Variants in ELK3 observed in about 807,000 individuals in gnomAD.
ELK3 encodes the protein ETS domain-containing protein Elk-3.
ELK3 carries 10 observed loss-of-function variants against 28.9 expected under a neutral mutation model. That is an observed-to-expected ratio of 0.35 (90% CI 0.21 to 0.59). The LOEUF (loss-of-function observed/expected upper bound fraction) is 0.59, where lower values mean the gene tolerates loss of function less well. ELK3 is among the 20% of genes least tolerant of loss of function. ELK3 has a pLI of 0.82. For synonymous variants in ELK3, 272 were observed against 243.5 expected (o/e 1.12, Z -1.09); for missense variants, 463 against 517.3 (o/e 0.90, Z 1.02).
At position 96,269,408 on chromosome 12, in the gene ELK3, T is replaced by A. The variant is rs886889855; in HGVS notation, c.*2228T>A. 1.3e-5 allele frequency: 2 copies of A among 151,966 alleles called. No individual in the cohort carries two copies. Among genetic ancestry groups the A allele is most frequent in the Admixed American group, 1.3e-4 (2 of 15,278 alleles). 9.4% of individuals were successfully genotyped at this position (151,966 alleles called of 1,614,324 possible). A position where few individuals can be genotyped will look rare whatever the true frequency, so the allele number is the denominator to read the frequency against. On this transcript the variant is annotated 3_prime_UTR_variant, in exon 5 of 5. Transcript: ENST00000228741. The stretch of plus-strand genomic sequence containing the variant: ...ATTTAAATGACTATAGATCTGATTC[T>A]TTCTTTTCCTTTGGAAACTGGGATT...
intron 1 of ELK3, among the ~76,000 whole-genome samples, chr12:96,203,739 G>A (rs1400808183): frequency 6.6e-6 from 1 of 152,156 alleles, no homozygotes; most frequent in African/African-American, 2.4e-5. Context: ...TTAGAAGTTC[G>A]ATACCAGCCT....
At chr12:96,256,656 T>C (rs185508178) in intron 3 of ELK3, among the ~76,000 whole-genome samples, 7 of 152,178 alleles carry the variant, frequency 4.6e-5, no homozygotes, top group African/African-American at 1.7e-4. Context: ...ATAAGAAAAA[T>C]GTGCCAATCA....
At chr12:96,218,933 C>G (rs1200852397) in intron 1 of ELK3, among the ~76,000 whole-genome samples, 1 of 152,150 alleles carries the variant, frequency 6.6e-6, no homozygotes, top group Non-Finnish European at 1.5e-5. Context: ...CAGGCGTGAG[C>G]CACCGCGCCC....
intron 1 of ELK3, among the ~76,000 whole-genome samples, chr12:96,211,109 A>G (rs1417055378): frequency 6.6e-6 from 1 of 152,210 alleles, no homozygotes. Context: ...AACTGAGAGT[A>G]TTAAATTTAG....
In ELK3 at chr12:96,247,361, C is replaced by T. The variant is rs769939759; in HGVS notation, c.629C>T (p.Ala210Val). The T allele has an allele frequency of 2.5e-5, 41 of 1,614,070 alleles. 1 individual carries two copies. Among genetic ancestry groups the T allele is most frequent in the South Asian group, 3.3e-5 (3 of 91,090 alleles). ...CCTTCCACGTCAGAGGCTGCGGCGG[C>T]GTCCGCCTTCCTGGCCTCGTCCGTC... ...SLPSTSEAAAASAFLASSVSA... is the reference protein window; with the variant it reads ...SLPSTSEAAAVSAFLASSVSA... Residue 210 changes from alanine (A) to valine (V), a missense_variant, in exon 3 of 5, where the codon GCG becomes GTG. Physicochemically the swap from Ala to Val is moderately conservative, Grantham distance 64. Transcript: ENST00000228741. The surrounding 1 kb of genome is among the most constrained non-coding windows in gnomAD (Gnocchi z 5.5).
rs200974748 is a variant in ELK3 at position 96,247,369 on chromosome 12, T to C, written c.637T>C (p.Phe213Leu). The change falls in exon 3 of 5, where the codon TTC becomes CTC. Residue 213 changes from phenylalanine to leucine, a missense_variant. This residue lies in a region of ELK3 where 408 missense variants were observed against 414.8 expected (regional missense o/e 0.98). Coordinates refer to ENST00000228741, the MANE Select transcript of ELK3 (RefSeq NM_005230.4). This position sits in a 1 kb window ranked among gnomAD's most constrained non-coding sequence, Gnocchi z 5.5. ...GTCAGAGGCTGCGGCGGCGTCCGCC[T>C]TCCTGGCCTCGTCCGTCTCGGCCAA... ...STSEAAAASAFLASSVSAKIS... is the reference protein window; with the variant it reads ...STSEAAAASALLASSVSAKIS... The C allele has an allele frequency of 1.2e-4, 189 of 1,614,090 alleles. 1 individual carries two copies. The highest frequency in any genetic ancestry group is 1.9e-5 in the Non-Finnish European group (22 of 1,180,052).
intron 2 of ELK3, among the ~76,000 whole-genome samples, chr12:96,239,842 G>A (rs1169939423): frequency 6.6e-6 from 1 of 152,232 alleles, no homozygotes; most frequent in South Asian, 2.1e-4. Context: ...CTGAGAAGCC[G>A]CCGGGAGCAG....
At chr12:96,264,350 G>A (rs1398837883) in intron 4 of ELK3, among the ~76,000 whole-genome samples, 2 of 152,164 alleles carry the variant, frequency 1.3e-5, no homozygotes, top group Non-Finnish European at 2.9e-5. Context: ...AGTGGACACA[G>A]GATATAATTA....
intron 1 of ELK3, among the ~76,000 whole-genome samples, chr12:96,205,135 T>G (rs1288637977): frequency 6.6e-6 from 1 of 152,240 alleles, no homozygotes; most frequent in Non-Finnish European, 1.5e-5. Context: ...AGTGAATGTT[T>G]ACTAACCGTC....
At position 96,195,284 on chromosome 12, in the gene ELK3, G is replaced by T. The variant is rs866181540; in HGVS notation, c.-3+579G>T. Among the ~76,000 whole-genome samples the T allele has an allele frequency of 9.8e-5, 15 of 152,334 alleles. No homozygotes were observed. In the South Asian group the frequency reaches 1.2e-3, roughly 13 times the overall value. On this transcript the variant is annotated intron_variant, in intron 1 of 4. Coordinates refer to ENST00000228741, the MANE Select transcript of ELK3 (RefSeq NM_005230.4). ...ATGGGTCGCGAAGGTGTGGGGCTGG[G>T]GGCTGCGTCCACTCTCGCTTGGCAG...
At chr12:96,201,828 T>C (rs1440936848) in intron 1 of ELK3, among the ~76,000 whole-genome samples, 1 of 152,166 alleles carries the variant, frequency 6.6e-6, no homozygotes, top group Non-Finnish European at 1.5e-5. Flanking sequence ...CCCCTTGAAT[T>C]CCATTTTGGC....
intron 1 of ELK3, among the ~76,000 whole-genome samples, chr12:96,205,132 G>A (rs900595542): frequency 6.6e-6 from 1 of 152,224 alleles, no homozygotes; most frequent in Non-Finnish European, 1.5e-5. Context: ...ATAAGTGAAT[G>A]TTTACTAACC....
At chr12:96,251,296 C>A (rs1218636375) in intron 3 of ELK3, among the ~76,000 whole-genome samples, 4 of 152,176 alleles carry the variant, frequency 2.6e-5, no homozygotes, top group Admixed American at 6.5e-5. Context: ...TGTGTCCCAA[C>A]TGCTCTCCTG....
rs1338714349 is a variant in ELK3, at chr12:96,268,555, T to G, written c.*1375T>G. The G allele has an allele frequency of 6.6e-6, 1 of 152,108 alleles. No individual in the cohort carries two copies. Among genetic ancestry groups the G allele is most frequent in the Middle Eastern group, 3.2e-3 (1 of 316 alleles). 9.4% of individuals were successfully genotyped at this position (152,108 alleles called of 1,614,324 possible). On this transcript the variant is annotated 3_prime_UTR_variant, in exon 5 of 5. Transcript: ENST00000228741. ...CACACCTGTACATGAAGAAGGAAAG[T>G]TCTAATACAAGAAAACTGAAAAGCA...
At chr12:96,257,014 C>A (rs1053692567) in intron 3 of ELK3, among the ~76,000 whole-genome samples, 9 of 152,260 alleles carry the variant, frequency 5.9e-5, no homozygotes, top group African/African-American at 1.9e-4. Context: ...CCTGTGGCAT[C>A]TCCTTTCCCA....
At chr12:96,198,437 C>CAGAAAA (rs1951486284) in intron 1 of ELK3, among the ~76,000 whole-genome samples, 1 of 152,182 alleles carries the variant, frequency 6.6e-6, no homozygotes, top group Non-Finnish European at 1.5e-5. Context: ...AGATGACTGT[C>CAGAAAA]TTCTGACCCT....
chr12:96,257,877 T>A (rs1320506589), intron 3 of ELK3, among the ~76,000 whole-genome samples: 4 of 152,248 alleles, frequency 2.6e-5, no homozygotes, highest in African/African-American at 9.6e-5. Context: ...GTACGTTTAG[T>A]AAGTATGTCA....
rs1017585604 is a variant in ELK3, at chr12:96,264,946, T to C, written c.1126-2136T>C. On this transcript the variant is annotated intron_variant, in intron 4 of 4. Transcript: ENST00000228741. ...TAAGGCACAGGGATATTGGCTAGTTTATTCAAGATAACACACTCGTAAGTG... is the reference window on the plus strand; with the variant it reads ...TAAGGCACAGGGATATTGGCTAGTTCATTCAAGATAACACACTCGTAAGTG... Among the ~76,000 whole-genome samples, 3 of 152,322 alleles carry C rather than the reference T, an allele frequency of 2.0e-5. No homozygotes were observed. In the East Asian group the frequency reaches 5.8e-4, roughly 29 times the overall value.
chr12:96,225,948 C>G (rs894206296), intron 2 of ELK3, among the ~76,000 whole-genome samples: 10 of 152,130 alleles, frequency 6.6e-5, no homozygotes, highest in East Asian at 3.9e-4. Context: ...GCCTGGGCAA[C>G]ATGGTGAGAC....
Sources: gnomAD v4.1 joint callset for allele counts (sites outside exome capture counted in the v4.1 genomes callset) on GRCh38, gnomAD v4.1.1 for gene constraint, gnomAD v4.1.1 regional missense constraint, Gnocchi (gnomAD v3.1) non-coding constraint, MANE v1.5 for transcripts, NCBI Gene and HGNC (gene_info 2026-07-23, HGNC 2026-07-21) for gene names.